UBR3: variants seen among roughly 807,000 people sequenced by gnomAD.
The protein encoded by UBR3 is ubiquitin protein ligase E3 component n-recognin 3.
In UBR3, 85 loss-of-function variants were observed where a neutral mutation model predicts 243.2. The ratio of observed to expected loss-of-function variants is 0.35; its 90% CI spans 0.29 to 0.42. The LOEUF (loss-of-function observed/expected upper bound fraction) is 0.42, where lower values mean the gene tolerates loss of function less well. Ranked by LOEUF, UBR3 falls within the 10% of genes least tolerant of loss-of-function variation. UBR3 has a pLI of 1.00. For missense variants in UBR3, 1,686 were observed against 2,300.8 expected, an observed-to-expected ratio of 0.73 and a Z score of 5.47; for synonymous variants, 748 against 799.8, an observed-to-expected ratio of 0.94 and a Z score of 1.09.
chr2:170,045,066 C>A (rs1275669502), intron 32 of UBR3, among the ~76,000 whole-genome samples: 4 of 152,086 alleles, frequency 2.6e-5, no homozygotes, highest in Non-Finnish European at 2.9e-5. Context: ...AAAGACACAT[C>A]TGAGACTGGG....
chr2:170,032,742 A>G (rs1284999507), intron 31 of UBR3, among the ~76,000 whole-genome samples: 1 of 151,908 alleles, frequency 6.6e-6, no homozygotes, highest in Non-Finnish European at 1.5e-5. Flanking sequence ...AGTGCATAGT[A>G]TGAGGAGGCA....
intron 37 of UBR3, 124 bp from the exon 38 acceptor site, chr2:170,080,421 T>C: frequency 9.5e-7 from 1 of 1,047,910 alleles, no homozygotes; most frequent in Non-Finnish European, 1.3e-6. Flanking sequence ...GTTATAAGTT[T>C]AACTTAAATG....
chr2:170,061,117 G>C lies in UBR3; in HGVS notation c.4824G>C (p.Leu1608=). The C allele has an allele frequency of 1.3e-6, 2 of 1,597,786 alleles. No individual in the cohort carries two copies. The highest frequency in any genetic ancestry group is 1.7e-6 in the Non-Finnish European group (2 of 1,175,526). ...CDAEKSYEVL[L]SFVISELFKG... is the part of the protein sequence containing the mutation. ...CAGAAAAGTCTTACGAAGTATTACT[G>C]AGCTTTGTGATAAGTGAACTATTTA... The change falls in exon 34 of 39, where the codon CTG becomes CTC. Residue 1608 remains leucine (L), a synonymous_variant. Transcript: ENST00000272793.
At chr2:170,037,167 G>C (rs148148014) in intron 31 of UBR3, among the ~76,000 whole-genome samples, 73 of 152,134 alleles carry the variant, frequency 4.8e-4, no homozygotes, top group Admixed American at 1.5e-3. Flanking sequence ...CTACATTATA[G>C]GCCTGATTAG....
intron 30 of UBR3, 43 bp from the exon 31 acceptor site, chr2:170,029,302 CA>C: frequency 3.3e-6 from 5 of 1,496,614 alleles, no homozygotes; most frequent in Non-Finnish European, 4.5e-6. Flanking sequence ...TGTTCTGTAA[CA>C]AATGTGTGAA....
In UBR3 at chr2:169,949,939, T is replaced by C; in HGVS notation, c.3419T>C (p.Leu1140Pro). The C allele has an allele frequency of 6.2e-7, 1 of 1,613,770 alleles. No individual in the cohort carries two copies. The highest frequency in any genetic ancestry group is 8.5e-7 in the Non-Finnish European group (1 of 1,179,780). The change falls in exon 23 of 39, where the codon CTA becomes CCA. Residue 1140 changes from leucine (L) to proline (P), a missense_variant. Physicochemically the swap from Leu to Pro is moderately conservative, Grantham distance 98. Around this residue, in one of 8 missense-constraint regions of UBR3, gnomAD observed 300 missense variants for 314.4 expected, o/e 0.95. Transcript: ENST00000272793. Reference protein sequence around the residue: ...DGITAVERILLKAASQSRMNK... With the variant: ...DGITAVERILPKAASQSRMNK... Reference sequence around the variant, plus strand: ...ATAACTGCCGTGGAAAGAATTTTACTAAAAGCTGCATCGCAAAGTAGAATG... The same window carrying C: ...ATAACTGCCGTGGAAAGAATTTTACCAAAAGCTGCATCGCAAAGTAGAATG...
At chr2:169,968,357 A>G (rs897517954) in intron 24 of UBR3, among the ~76,000 whole-genome samples, 5 of 151,870 alleles carry the variant, frequency 3.3e-5, no homozygotes, top group Admixed American at 6.6e-5. Flanking sequence ...CTCCTCCCCA[A>G]CCCTTCCCAG....
intron 1 of UBR3, among the ~76,000 whole-genome samples, chr2:169,871,177 G>A (rs556483828): frequency 4.6e-5 from 7 of 152,224 alleles, no homozygotes; most frequent in Non-Finnish European, 1.0e-4. Context: ...TTTCTTCAGG[G>A]TGGGGCACAG....
intron 10 of UBR3, among the ~76,000 whole-genome samples, chr2:169,911,607 CT>C (rs1357606616): frequency 2.6e-5 from 4 of 151,952 alleles, no homozygotes; most frequent in Non-Finnish European, 4.4e-5. Context: ...ATTAAATATG[CT>C]GTATTTGTGA....
chr2:170,081,900 C>T lies in UBR3; in HGVS notation c.*57C>T. On this transcript the variant is annotated 3_prime_UTR_variant, in exon 39 of 39. Transcript: ENST00000272793. The stretch of plus-strand genomic sequence containing the variant: ...TTTTCGCTACGAATTTATTTTTCAA[C>T]AATAAGCTTTAACTTAATTTGGGGG... 8.0e-7 allele frequency: 1 copy of T among 1,249,844 alleles called. No homozygotes were observed. Among genetic ancestry groups the T allele is most frequent in the Non-Finnish European group, 1.1e-6 (1 of 912,824 alleles). The allele number at this position is 1,249,844 out of a possible 1,614,324, so 77.4% of individuals were successfully genotyped here. A position where few individuals can be genotyped will look rare whatever the true frequency, so the allele number is the denominator to read the frequency against.
intron 24 of UBR3, among the ~76,000 whole-genome samples, chr2:169,969,513 T>G (rs1184252038): frequency 6.6e-6 from 1 of 151,998 alleles, no homozygotes; most frequent in Non-Finnish European, 1.5e-5. Flanking sequence ...ATATGTGTAT[T>G]TATTTCTGTG....
chr2:169,895,020 G>C (rs1334272346), intron 6 of UBR3, among the ~76,000 whole-genome samples, 161 bp from the exon 7 acceptor site: 1 of 151,832 alleles, frequency 6.6e-6, no homozygotes, highest in Non-Finnish European at 1.5e-5. Flanking sequence ...TTTATATACT[G>C]TGTACATTAT....
At position 170,083,377 on chromosome 2, in the gene UBR3, A is replaced by G. The variant is rs1486739291; in HGVS notation, c.*1534A>G. The G allele has an allele frequency of 6.6e-6, 1 of 152,596 alleles. No homozygotes were observed. Among genetic ancestry groups the G allele is most frequent in the Non-Finnish European group, 1.5e-5 (1 of 68,012 alleles). The allele number at this position is 152,596 out of a possible 1,614,324, so 9.5% of individuals were successfully genotyped here. The stretch of plus-strand genomic sequence containing the variant: ...GAAATAGCTTGCTATTTTTATATAC[A>G]TTTCCAAAATATTAAGATAACTTTC... On this transcript the variant is annotated 3_prime_UTR_variant, in exon 39 of 39. Coordinates refer to ENST00000272793, the MANE Select transcript of UBR3 (RefSeq NM_172070.4).
At chr2:170,071,357 A>G (rs572274757) in intron 35 of UBR3, among the ~76,000 whole-genome samples, 4 of 152,290 alleles carry the variant, frequency 2.6e-5, no homozygotes, top group South Asian at 4.1e-4. Flanking sequence ...TATAACATGA[A>G]TGAGTCTCAA....
At chr2:170,075,589 G>C in intron 36 of UBR3, among the ~76,000 whole-genome samples, 1 of 152,130 alleles carries the variant, frequency 6.6e-6, no homozygotes, top group East Asian at 1.9e-4. Flanking sequence ...ATTAATTTAT[G>C]CTAATGCAGA....
At chr2:169,876,759 T>TA (rs2083633513) in intron 3 of UBR3, among the ~76,000 whole-genome samples, 1 of 152,110 alleles carries the variant, frequency 6.6e-6, no homozygotes, top group Admixed American at 6.5e-5. Flanking sequence ...GACAGGGTTT[T>TA]AACCATGTTG....
chr2:169,963,675 A>G lies in UBR3; in HGVS notation c.3634+5149A>G, dbSNP rs148940863. Among the ~76,000 whole-genome samples the G allele has an allele frequency of 7.9e-3, 1,197 of 152,294 alleles. 12 individuals are homozygous for G. Among genetic ancestry groups the G allele is most frequent in the African/African-American group, 0.026 (1,070 of 41,572 alleles). On this transcript the variant is annotated intron_variant, in intron 24 of 38. Coordinates refer to ENST00000272793, the MANE Select transcript of UBR3 (RefSeq NM_172070.4). Reference sequence around the variant, plus strand: ...AGTTAGAAAACACAAATAATAAAAAATAAGAACTAATATATTTTTACTACC... The same window carrying G: ...AGTTAGAAAACACAAATAATAAAAAGTAAGAACTAATATATTTTTACTACC...
At chr2:170,006,923 G>A in intron 27 of UBR3, 67 bp from the exon 28 acceptor site, 1 of 1,285,648 alleles carries the variant, frequency 7.8e-7, no homozygotes, top group Admixed American at 2.0e-5. Context: ...CTATAAAATG[G>A]GTGGTATAAT....
intron 32 of UBR3, among the ~76,000 whole-genome samples, chr2:170,043,651 A>T (rs1574441553): frequency 6.6e-6 from 1 of 152,214 alleles, no homozygotes; most frequent in East Asian, 1.9e-4. Flanking sequence ...GAAATACTTA[A>T]TAAGTACCTA....
Sources: gnomAD v4.1 joint callset for allele counts (sites outside exome capture counted in the v4.1 genomes callset) on GRCh38, gnomAD v4.1.1 for gene constraint, gnomAD v4.1.1 regional missense constraint, MANE v1.5 for transcripts, NCBI Gene and HGNC (gene_info 2026-07-23, HGNC 2026-07-21) for gene names.